The following CDH18 variants were observed in gnomAD, a reference collection of about 807,000 sequenced individuals.
CDH18 encodes the protein cadherin-18.
CDH18 carries 31 observed loss-of-function variants against 67.9 expected under a neutral mutation model. The ratio of observed to expected loss-of-function variants is 0.46; its 90% CI spans 0.34 to 0.62. The LOEUF (loss-of-function observed/expected upper bound fraction) is 0.62. Among genes scored for constraint, CDH18 ranks in the 20% least tolerant of loss-of-function variants. The pLI is 0.01. For missense variants in CDH18, 890 were observed against 975.5 expected (o/e 0.91, Z 1.17); for synonymous variants, 362 against 347.2 (o/e 1.04, Z -0.48).
chr5:20,478,776 G>T (rs1752603904), intron 1 of CDH18, among the ~76,000 whole-genome samples: 1 of 152,178 alleles, frequency 6.6e-6, no homozygotes, highest in Admixed American at 6.5e-5. Context: ...TAGCCAGAAA[G>T]TCATCACTGT....
At chr5:20,404,632 C>T (rs1026955712) in intron 1 of CDH18, among the ~76,000 whole-genome samples, 1 of 151,760 alleles carries the variant, frequency 6.6e-6, no homozygotes, top group Non-Finnish European at 1.5e-5. Context: ...ATAAGGGCAC[C>T]CCAAAAAAAT....
At chr5:20,112,685 G>C (rs1261471328) in intron 2 of CDH18, among the ~76,000 whole-genome samples, 2 of 152,098 alleles carry the variant, frequency 1.3e-5, no homozygotes, top group African/African-American at 2.4e-5. Flanking sequence ...CTGCACTCCA[G>C]CCTGGCGATA....
intron 1 of CDH18, among the ~76,000 whole-genome samples, chr5:20,332,137 T>C (rs2150027181): frequency 6.6e-6 from 1 of 152,304 alleles, no homozygotes; most frequent in Admixed American, 6.5e-5. Flanking sequence ...TAAAAAAAAT[T>C]TGAACTCGAT....
chr5:20,529,858 T>C (rs551145054), intron 1 of CDH18, among the ~76,000 whole-genome samples: 3 of 152,004 alleles, frequency 2.0e-5, no homozygotes, highest in Non-Finnish European at 4.4e-5. Context: ...TCACCACTCT[T>C]ATTCAACATA....
intron 1 of CDH18, among the ~76,000 whole-genome samples, chr5:20,562,301 G>T (rs937200770): frequency 1.3e-5 from 2 of 151,676 alleles, no homozygotes; most frequent in South Asian, 2.1e-4. Context: ...ATATGAGTTT[G>T]GTACTATACA....
At chr5:20,090,590 T>C (rs1264439729) in intron 2 of CDH18, among the ~76,000 whole-genome samples, 1 of 151,960 alleles carries the variant, frequency 6.6e-6, no homozygotes, top group African/African-American at 2.4e-5. Context: ...AGTAAATGTG[T>C]TTACTATGTG....
intron 1 of CDH18, among the ~76,000 whole-genome samples, chr5:20,413,973 T>C (rs1027303054): frequency 5.9e-5 from 9 of 152,318 alleles, no homozygotes; most frequent in African/African-American, 2.2e-4. Context: ...TGAATCCATC[T>C]TGAATTAATT....
intron 1 of CDH18, among the ~76,000 whole-genome samples, chr5:20,479,898 G>GAAA (rs1197967761): frequency 1.3e-5 from 2 of 151,778 alleles, no homozygotes. Context: ...AGAAAAGGAA[G>GAAA]AAAAAACATA....
chr5:20,180,909 C>A (rs1157127047), intron 2 of CDH18, among the ~76,000 whole-genome samples: 1 of 152,136 alleles, frequency 6.6e-6, no homozygotes, highest in Non-Finnish European at 1.5e-5. Context: ...ATAACTATTA[C>A]ACTGATTATT....
chr5:20,110,789 C>A (rs545673258), intron 2 of CDH18, among the ~76,000 whole-genome samples: 1 of 151,978 alleles, frequency 6.6e-6, no homozygotes, highest in Non-Finnish European at 1.5e-5. Context: ...GTAGTGGCAG[C>A]GTAATGAAAA....
rs151048225 is a variant in CDH18, at chr5:19,551,699, C to G, written c.1254-7694G>C. 9.2e-5 allele frequency among the ~76,000 whole-genome samples: 14 copies of G among 152,220 alleles called. No individual in the cohort carries two copies. The East Asian group carries it at 2.7e-3, about 29-fold the overall frequency. ...GAAGCTTCAGTCTATTTTGATAAGA[C>G]AGTTCATAGATTGTAAGTACTGGTT... On this transcript the variant is annotated intron_variant, in intron 8 of 12. Transcript: ENST00000382275.
intron 1 of CDH18, among the ~76,000 whole-genome samples, chr5:20,475,793 G>A (rs1473678163): frequency 6.6e-6 from 1 of 152,114 alleles, no homozygotes; most frequent in Non-Finnish European, 1.5e-5. Flanking sequence ...AGAGGGTTCA[G>A]TCAGGGGAAA....
chr5:19,835,480 T>G (rs992376230), intron 3 of CDH18, among the ~76,000 whole-genome samples: 3 of 151,130 alleles, frequency 2.0e-5, no homozygotes, highest in African/African-American at 4.9e-5. Flanking sequence ...TGTTTCTCTG[T>G]ATTTTTTTAG....
intron 1 of CDH18, among the ~76,000 whole-genome samples, chr5:20,296,347 G>A (rs1747524529): frequency 6.6e-6 from 1 of 151,346 alleles, no homozygotes; most frequent in East Asian, 1.9e-4. Context: ...TCCACCTCCG[G>A]GGTTCAGGCC....
At chr5:20,276,078 G>T (rs1745788720) in intron 1 of CDH18, among the ~76,000 whole-genome samples, 1 of 152,178 alleles carries the variant, frequency 6.6e-6, no homozygotes, top group Admixed American at 6.5e-5. Flanking sequence ...TTGCTCTGAG[G>T]TTCTAAATAA....
At chr5:20,241,905 T>TATATATGTATAA (rs369967608) in intron 2 of CDH18, among the ~76,000 whole-genome samples, 3 of 141,452 alleles carry the variant, frequency 2.1e-5, no homozygotes, top group Non-Finnish European at 4.5e-5. Context: ...TATATATATA[T>TATATATGTATAA]ATATTGCTTA....
chr5:20,085,350 G>T (rs762324448), intron 2 of CDH18, among the ~76,000 whole-genome samples: 2 of 152,054 alleles, frequency 1.3e-5, no homozygotes, highest in African/African-American at 4.8e-5. Context: ...GGACCTTATT[G>T]TTCATATCAC....
intron 2 of CDH18, among the ~76,000 whole-genome samples, chr5:20,032,450 A>T (rs1739488477): frequency 6.6e-6 from 1 of 152,098 alleles, no homozygotes; most frequent in African/African-American, 2.4e-5. Context: ...CCAGCTGAGT[A>T]GAAATAGTAA....
intron 1 of CDH18, among the ~76,000 whole-genome samples, chr5:20,460,343 G>C (rs1283031041): frequency 6.6e-6 from 1 of 151,668 alleles, no homozygotes; most frequent in Non-Finnish European, 1.5e-5. Context: ...AGTGAGCTGA[G>C]ATCACGCCAC....
Sources: allele counts gnomAD v4.1 joint callset (sites outside exome capture counted in the v4.1 genomes callset), GRCh38; gene constraint gnomAD v4.1.1; transcripts MANE v1.5; gene names NCBI Gene and HGNC (gene_info 2026-07-23, HGNC 2026-07-21).